The following DCDC2C variants were observed in gnomAD, a reference collection of about 807,000 sequenced individuals.
DCDC2C encodes doublecortin domain-containing protein 2C.
A neutral mutation model predicts 45.0 loss-of-function variants in DCDC2C; 44 were observed. The observed-to-expected ratio is 0.98, with a 90% confidence interval of 0.77 to 1.26. DCDC2C has a LOEUF of 1.26. Ranked by LOEUF, DCDC2C falls within the 50% of genes most tolerant of loss-of-function variation. DCDC2C has a pLI of 0.00. For missense variants in DCDC2C, 447 were observed against 468.9 expected, an observed-to-expected ratio of 0.95 and a Z score of 0.43; for synonymous variants, 187 against 178.8, an observed-to-expected ratio of 1.05 and a Z score of -0.37.
chr2:3,780,469 A>G (rs777597432), intron 9 of DCDC2C, among the ~76,000 whole-genome samples: 1 of 152,346 alleles, frequency 6.6e-6, no homozygotes, highest in Non-Finnish European at 1.5e-5. Context: ...TAGCAGATTT[A>G]ATTTCTTAGA....
chr2:3,752,460 A>G, intron 4 of DCDC2C: 1 of 372,140 alleles, frequency 2.7e-6, no homozygotes, highest in East Asian at 6.4e-5. Flanking sequence ...TTTAGCTGTT[A>G]TTAGTTAAAA....
intron 3 of DCDC2C, among the ~76,000 whole-genome samples, chr2:3,727,569 G>A (rs994692851): frequency 9.2e-5 from 14 of 152,218 alleles, no homozygotes; most frequent in African/African-American, 1.4e-4. Flanking sequence ...CTACAGGAAC[G>A]GAGTGCATTA....
intron 10 of DCDC2C, among the ~76,000 whole-genome samples, chr2:3,808,243 AT>A (rs1671303560): frequency 6.6e-6 from 1 of 152,092 alleles, no homozygotes; most frequent in Non-Finnish European, 1.5e-5. Context: ...TTGGAGTTGT[AT>A]TTCATTTGTG....
In DCDC2C at chr2:3,703,596, A is replaced by AGCCCCCGTCCC. The variant is rs1667930851; in HGVS notation, c.-154_-144dup. 5 of 702,170 alleles carry AGCCCCCGTCCC rather than the reference A, an allele frequency of 7.1e-6. No individual in the cohort carries two copies. Among genetic ancestry groups the AGCCCCCGTCCC allele is most frequent in the South Asian group, 1.4e-4 (2 of 14,196 alleles). 43.5% of individuals were successfully genotyped at this position (702,170 alleles called of 1,614,324 possible). ...TGGCAGCCCCGTCCCGTCCCCGTCCAGCCCCCGTCCCGTCCCCGTCCCGTC... is the reference window on the plus strand; with the variant it reads ...TGGCAGCCCCGTCCCGTCCCCGTCCAGCCCCCGTCCCGCCCCCGTCCCGTCCCCGTCCCGTC... On this transcript the variant is annotated 5_prime_UTR_variant, in exon 1 of 11. Transcript: ENST00000399143. This position sits in a 1 kb window ranked among gnomAD's most constrained non-coding sequence, Gnocchi z 4.4.
chr2:3,803,787 C>T (rs1177975593), intron 10 of DCDC2C, among the ~76,000 whole-genome samples: 1 of 152,236 alleles, frequency 6.6e-6, no homozygotes, highest in Non-Finnish European at 1.5e-5. Context: ...CTGCAGGTTC[C>T]TTCAAGTGCA....
chr2:3,755,288 G>C (rs1481226350), intron 6 of DCDC2C, among the ~76,000 whole-genome samples: 1 of 150,724 alleles, frequency 6.6e-6, no homozygotes, highest in East Asian at 2.0e-4. Flanking sequence ...TGTGTATGTG[G>C]ATGCATGTGT....
rs538765081 is a variant in DCDC2C at position 3,820,294 on chromosome 2, G to A, written c.1066-26860G>A. 5.1e-4 allele frequency among the ~76,000 whole-genome samples: 78 copies of A among 152,292 alleles called. No individual in the cohort carries two copies. The South Asian group carries it at 0.015, about 30-fold the overall frequency. On this transcript the variant is annotated intron_variant, in intron 10 of 10. Coordinates refer to ENST00000399143, the MANE Select transcript of DCDC2C (RefSeq NM_001287444.2). ...TTGCAGAAGAAAATAAGACGCTTAA[G>A]TTTTAGGTCAGGCAAGAGTTGAAGA...
At chr2:3,753,266 C>T (rs374998286) in intron 5 of DCDC2C, among the ~76,000 whole-genome samples, 63 of 152,292 alleles carry the variant, frequency 4.1e-4, no homozygotes, top group African/African-American at 1.3e-3. Flanking sequence ...GGCATGCTTC[C>T]CCATATCTAA....
chr2:3,759,265 G>A (rs1669812084), intron 6 of DCDC2C, among the ~76,000 whole-genome samples: 1 of 152,072 alleles, frequency 6.6e-6, no homozygotes, highest in African/African-American at 2.4e-5. Context: ...ATTTGTTTCT[G>A]TTATTTTCTC....
At chr2:3,801,877 C>T (rs544925905) in intron 10 of DCDC2C, among the ~76,000 whole-genome samples, 7 of 152,352 alleles carry the variant, frequency 4.6e-5, no homozygotes, top group South Asian at 4.1e-4. Context: ...CCTGGGCTGA[C>T]GGGACACTAC....
At chr2:3,757,600 A>G (rs914948677) in intron 6 of DCDC2C, among the ~76,000 whole-genome samples, 8 of 152,206 alleles carry the variant, frequency 5.3e-5, no homozygotes, top group Non-Finnish European at 7.3e-5. Flanking sequence ...CTGGTCGTCC[A>G]TGAGGCCGTG....
chr2:3,814,157 C>T (rs1420331350), intron 10 of DCDC2C, among the ~76,000 whole-genome samples: 1 of 152,134 alleles, frequency 6.6e-6, no homozygotes, highest in Admixed American at 6.5e-5. Context: ...TTTTGGTACT[C>T]CAGTCAATTG....
intron 2 of DCDC2C, among the ~76,000 whole-genome samples, chr2:3,726,771 G>T (rs577492102): frequency 7.0e-4 from 107 of 152,184 alleles, no homozygotes; most frequent in African/African-American, 2.6e-3. Flanking sequence ...CATGTGCAGC[G>T]CAGAGCCCTC....
intron 4 of DCDC2C, among the ~76,000 whole-genome samples, chr2:3,743,376 G>A (rs759530070): frequency 9.9e-4 from 151 of 152,304 alleles, no homozygotes; most frequent in Non-Finnish European, 1.6e-3. Context: ...TAAGGAAACC[G>A]TGGGCTTGAA....
chr2:3,776,321 G>T (rs1670335623), intron 8 of DCDC2C, among the ~76,000 whole-genome samples: 1 of 152,148 alleles, frequency 6.6e-6, no homozygotes, highest in Non-Finnish European at 1.5e-5. Context: ...CGTGGAGCTG[G>T]TCTGCAGGGA....
intron 3 of DCDC2C, among the ~76,000 whole-genome samples, chr2:3,727,529 T>G (rs935707167): frequency 3.9e-5 from 6 of 152,204 alleles, no homozygotes; most frequent in African/African-American, 1.4e-4. Flanking sequence ...AAGGCCCTCA[T>G]GGGCTACAGC....
intron 8 of DCDC2C, among the ~76,000 whole-genome samples, chr2:3,774,682 G>A (rs1670281257): frequency 6.6e-6 from 1 of 152,136 alleles, no homozygotes; most frequent in Admixed American, 6.5e-5. Flanking sequence ...GTGGTTTAGC[G>A]GAATCAGCCT....
At chr2:3,807,916 T>C (rs934103086) in intron 10 of DCDC2C, among the ~76,000 whole-genome samples, 1 of 152,230 alleles carries the variant, frequency 6.6e-6, no homozygotes, top group Non-Finnish European at 1.5e-5. Context: ...TGCCTAGTAG[T>C]GCTCCATTTT....
At chr2:3,766,726 C>G (rs2148149853) in intron 6 of DCDC2C, among the ~76,000 whole-genome samples, 1 of 152,188 alleles carries the variant, frequency 6.6e-6, no homozygotes, top group South Asian at 2.1e-4. Flanking sequence ...AGAGAAATAC[C>G]TATTTATATA....
Sources: gnomAD v4.1 joint callset for allele counts (sites outside exome capture counted in the v4.1 genomes callset) on GRCh38, gnomAD v4.1.1 for gene constraint, Gnocchi (gnomAD v3.1) non-coding constraint, MANE v1.5 for transcripts, NCBI Gene and HGNC (gene_info 2026-07-23, HGNC 2026-07-21) for gene names.